Variants in FHIT observed in about 807,000 individuals in gnomAD.
FHIT encodes the protein fragile histidine triad diadenosine triphosphatase.
In FHIT, 19 loss-of-function variants were observed where a neutral mutation model predicts 17.9. The observed-to-expected ratio is 1.06, with a 90% CI of 0.74 to 1.56. FHIT has a LOEUF of 1.56. Among genes scored for constraint, FHIT ranks in the 40% most tolerant of loss-of-function variants. The probability of loss-of-function intolerance (pLI) is 0.00; values close to 1 mark genes in which losing one functional copy is unlikely to be tolerated. For missense variants in FHIT, 248 were observed against 189.2 expected (o/e 1.31, Z -1.82); for synonymous variants, 81 against 69.7 (o/e 1.16, Z -0.81).
At chr3:60,117,494 TAAAAAAA>T (rs34113926) in intron 5 of FHIT, among the ~76,000 whole-genome samples, 5 of 86,766 alleles carry the variant, frequency 5.8e-5, no homozygotes, top group East Asian at 3.2e-4. Flanking sequence ...ACTTCCTATC[TAAAAAAA>T]AAAAAAAAAA....
rs1391983513 is a variant in FHIT, at chr3:59,986,611, A to G, written c.279+24760T>C. On this transcript the variant is annotated intron_variant, in intron 7 of 9. Coordinates refer to ENST00000492590, the MANE Select transcript of FHIT (RefSeq NM_002012.4). Reference sequence around the variant, plus strand: ...CACACACACACATATATATGTGTACATATATGTCTAGGATTTACTATAGAA... The same window carrying G: ...CACACACACACATATATATGTGTACGTATATGTCTAGGATTTACTATAGAA... 4.3e-5 allele frequency among the ~76,000 whole-genome samples: 3 copies of G among 69,942 alleles called. 1 individual carries two copies. The highest frequency in any genetic ancestry group is 1.4e-4 in the African/African-American group (2 of 14,580). 45.9% of individuals were successfully genotyped at this position (69,942 alleles called of 152,430 possible). A position where few individuals can be genotyped will look rare whatever the true frequency, so the allele number is the denominator to read the frequency against.
intron 5 of FHIT, among the ~76,000 whole-genome samples, chr3:60,414,519 A>G (rs983358944): frequency 7.9e-5 from 12 of 152,176 alleles, no homozygotes; most frequent in African/African-American, 2.9e-4. Context: ...TTGCCAAAGG[A>G]AGGACCTCTA....
At chr3:61,036,314 A>C (rs906467268) in intron 3 of FHIT, among the ~76,000 whole-genome samples, 1 of 151,032 alleles carries the variant, frequency 6.6e-6, no homozygotes, top group Non-Finnish European at 1.5e-5. Context: ...ATGAGGGATC[A>C]GCCCCCCCTG....
intron 4 of FHIT, among the ~76,000 whole-genome samples, chr3:60,721,480 T>G (rs2041808465): frequency 6.6e-6 from 1 of 152,152 alleles, no homozygotes; most frequent in Admixed American, 6.5e-5. Flanking sequence ...CATTTACAAT[T>G]ATAACCTACC....
chr3:60,419,257 C>G (rs1702382353), intron 5 of FHIT, among the ~76,000 whole-genome samples: 1 of 152,214 alleles, frequency 6.6e-6, no homozygotes, highest in Non-Finnish European at 1.5e-5. Flanking sequence ...GATTTAATAG[C>G]CGTATAGCAC....
chr3:60,200,671 G>GAAA (rs5849342), intron 5 of FHIT, among the ~76,000 whole-genome samples: 1 of 146,046 alleles, frequency 6.8e-6, no homozygotes. Context: ...GCTTTTGGGG[G>GAAA]AAAAAAAAAA....
At chr3:60,478,860 T>C (rs2033471365) in intron 5 of FHIT, among the ~76,000 whole-genome samples, 1 of 152,158 alleles carries the variant, frequency 6.6e-6, no homozygotes, top group Non-Finnish European at 1.5e-5. Flanking sequence ...GAGAGTATAA[T>C]CACACCACAT....
At chr3:60,486,052 C>T (rs916458865) in intron 5 of FHIT, among the ~76,000 whole-genome samples, 1 of 152,140 alleles carries the variant, frequency 6.6e-6, no homozygotes, top group African/African-American at 2.4e-5. Flanking sequence ...GAAGACACTT[C>T]TGCACACCTG....
chr3:61,058,717 T>C (rs894748211), intron 2 of FHIT, among the ~76,000 whole-genome samples: 1 of 152,228 alleles, frequency 6.6e-6, no homozygotes. Context: ...CTTTTCTTTA[T>C]AAATTTCTCA....
chr3:60,246,627 T>C (rs1318595916), intron 5 of FHIT, among the ~76,000 whole-genome samples: 1 of 152,126 alleles, frequency 6.6e-6, no homozygotes. Context: ...CGTAACTGTC[T>C]CCAGTTGGAG....
At chr3:59,949,163 A>G (rs558852868) in intron 7 of FHIT, among the ~76,000 whole-genome samples, 2 of 152,360 alleles carry the variant, frequency 1.3e-5, no homozygotes, top group East Asian at 1.9e-4. Flanking sequence ...AGAATTCATT[A>G]TATCTTCTAG....
chr3:60,148,835 G>A (rs1700345632), intron 5 of FHIT, among the ~76,000 whole-genome samples: 1 of 152,148 alleles, frequency 6.6e-6, no homozygotes, highest in South Asian at 2.1e-4. Flanking sequence ...CTTAATAAAG[G>A]CAGTGCTTCT....
chr3:60,326,605 G>A (rs1163788459), intron 5 of FHIT, among the ~76,000 whole-genome samples: 1 of 152,174 alleles, frequency 6.6e-6, no homozygotes, highest in Admixed American at 6.5e-5. Context: ...CGCAGGGGCT[G>A]GGGACCCCTG....
At chr3:60,082,491 A>G (rs202104281) in intron 5 of FHIT, among the ~76,000 whole-genome samples, 1 of 152,244 alleles carries the variant, frequency 6.6e-6, no homozygotes, top group East Asian at 1.9e-4. Flanking sequence ...ATATATATCC[A>G]GTAATGGAAT....
chr3:60,784,835 G>A (rs961086520), intron 4 of FHIT, among the ~76,000 whole-genome samples: 6 of 152,166 alleles, frequency 3.9e-5, no homozygotes, highest in Admixed American at 1.3e-4. Context: ...GCCCTTATAA[G>A]GGGCTGAAAA....
intron 3 of FHIT, among the ~76,000 whole-genome samples, chr3:60,839,802 T>C (rs1422211010): frequency 6.6e-6 from 1 of 152,172 alleles, no homozygotes; most frequent in Non-Finnish European, 1.5e-5. Context: ...AATAGATTTC[T>C]GCATTTACAT....
intron 7 of FHIT, among the ~76,000 whole-genome samples, chr3:59,989,777 T>A (rs1228060591): frequency 6.6e-6 from 1 of 152,000 alleles, no homozygotes; most frequent in Non-Finnish European, 1.5e-5. Flanking sequence ...CCACATTGAT[T>A]GATTGTAAAC....
chr3:61,138,578 G>A (rs759653401), intron 2 of FHIT, among the ~76,000 whole-genome samples: 1 of 152,178 alleles, frequency 6.6e-6, no homozygotes, highest in Non-Finnish European at 1.5e-5. Context: ...TGGTGATGAT[G>A]GTGGCGCTGA....
chr3:60,071,866 C>A (rs1702787917), intron 5 of FHIT, among the ~76,000 whole-genome samples: 1 of 152,152 alleles, frequency 6.6e-6, no homozygotes, highest in Non-Finnish European at 1.5e-5. Flanking sequence ...CTAATGAGAT[C>A]TGATGGTTTT....
Sources: gnomAD v4.1 joint callset for allele counts (sites outside exome capture counted in the v4.1 genomes callset) on GRCh38, gnomAD v4.1.1 for gene constraint, MANE v1.5 for transcripts, NCBI Gene and HGNC (gene_info 2026-07-23, HGNC 2026-07-21) for gene names.